FRMD4A: variants seen among roughly 807,000 people sequenced by gnomAD.
FRMD4A encodes the protein FERM domain containing 4A.
Under a neutral mutation model 129.1 loss-of-function variants are expected in FRMD4A, and 29 were observed. That is an observed-to-expected ratio of 0.22 (90% confidence interval 0.17 to 0.31). The LOEUF (loss-of-function observed/expected upper bound fraction) is 0.31, where lower values mean the gene tolerates loss of function less well. Ranked by LOEUF, FRMD4A falls within the 10% of genes least tolerant of loss-of-function variation. The probability of loss-of-function intolerance (pLI) is 1.00; values close to 1 mark genes in which losing one functional copy is unlikely to be tolerated. For synonymous variants in FRMD4A, 634 were observed against 571.6 expected, an observed-to-expected ratio of 1.11 and a Z score of -1.56; for missense variants, 1,272 against 1,375.8, an observed-to-expected ratio of 0.92 and a Z score of 1.19.
At chr10:13,769,157 A>G (rs2092379554) in intron 6 of FRMD4A, among the ~76,000 whole-genome samples, 2 of 146,036 alleles carry the variant, frequency 1.4e-5, no homozygotes, top group Non-Finnish European at 3.0e-5. Flanking sequence ...CGCCTGGCTA[A>G]TTTTTTGCAT....
intron 2 of FRMD4A, among the ~76,000 whole-genome samples, chr10:14,126,020 C>A (rs2131818464): frequency 6.6e-6 from 1 of 152,314 alleles, no homozygotes; most frequent in South Asian, 2.1e-4. Context: ...GGATGAATCT[C>A]ATTTTTTCCA....
intron 2 of FRMD4A, among the ~76,000 whole-genome samples, chr10:14,092,357 T>A (rs1836710051): frequency 6.6e-6 from 1 of 152,192 alleles, no homozygotes. Context: ...CACTCTGGTG[T>A]CTTCAGGCAC....
intron 2 of FRMD4A, among the ~76,000 whole-genome samples, chr10:14,308,019 G>C (rs1846410922): frequency 6.6e-6 from 1 of 152,204 alleles, no homozygotes; most frequent in Non-Finnish European, 1.5e-5. Context: ...AAAGTACATA[G>C]ATAGAGTTTC....
intron 2 of FRMD4A, among the ~76,000 whole-genome samples, chr10:14,184,502 G>A (rs186252359): frequency 6.6e-6 from 1 of 151,940 alleles, no homozygotes; most frequent in African/African-American, 2.4e-5. Context: ...AAAAAAAATG[G>A]AGAAATTACT....
Position 14,330,618 on chromosome 10 carries a change from C to T in FRMD4A, c.-103G>A, listed in dbSNP as rs1843483577. ...ATACCGCTCGCAATCTGGTCAGTGT[C>T]TTCTTTGCTGCAGATAGGTGTGTCC... On this transcript the variant is annotated 5_prime_UTR_variant, in exon 1 of 25. Transcript: ENST00000357447. 2 of 399,766 alleles carry T rather than the reference C, an allele frequency of 5.0e-6. No homozygotes were observed. The highest frequency in any genetic ancestry group is 8.8e-6 in the Non-Finnish European group (2 of 227,292). The allele number at this position is 399,766 out of a possible 1,614,324, so 24.8% of individuals were successfully genotyped here. A position where few individuals can be genotyped will look rare whatever the true frequency, so the allele number is the denominator to read the frequency against.
At chr10:13,893,885 T>C (rs112259297) in intron 2 of FRMD4A, among the ~76,000 whole-genome samples, 435 of 152,354 alleles carry the variant, frequency 2.9e-3, no homozygotes, top group African/African-American at 9.3e-3. Flanking sequence ...CATCTACACC[T>C]CCTGCTTTCC....
At chr10:13,861,571 A>T (rs771445100) in intron 2 of FRMD4A, among the ~76,000 whole-genome samples, 2 of 152,244 alleles carry the variant, frequency 1.3e-5, no homozygotes, top group Admixed American at 6.5e-5. Context: ...TCCAACGAAC[A>T]GATTAAACAC....
intron 23 of FRMD4A, chr10:13,653,980 C>G (rs1262153908): frequency 8.2e-6 from 2 of 244,052 alleles, no homozygotes; most frequent in Admixed American, 5.0e-5. Flanking sequence ...CTTTTTCTTG[C>G]ACCCTGAGAC....
At chr10:13,774,611 C>G (rs1473669061) in intron 6 of FRMD4A, among the ~76,000 whole-genome samples, 1 of 152,094 alleles carries the variant, frequency 6.6e-6, no homozygotes, top group Non-Finnish European at 1.5e-5. Flanking sequence ...GTCCAGATAC[C>G]AAGACACTGA....
In FRMD4A at chr10:14,246,418, TAC is replaced by T. The variant is rs1468942584; in HGVS notation, c.45+83638_45+83639del. Among the ~76,000 whole-genome samples, 3 of 151,836 alleles carry T rather than the reference TAC, an allele frequency of 2.0e-5. No homozygotes were observed. In the East Asian group the frequency reaches 5.8e-4, roughly 29 times the overall value. On this transcript the variant is annotated intron_variant, in intron 2 of 24. Transcript: ENST00000357447. Reference sequence around the variant, plus strand: ...ACACACACACACACAAGTGCACGCATACACACTTTCATGCACTCATACACAAT... The same window carrying T: ...ACACACACACACACAAGTGCACGCATACACTTTCATGCACTCATACACAAT...
In FRMD4A at chr10:14,196,937, C is replaced by CTAGGG. The variant is rs757153729; in HGVS notation, c.45+133116_45+133120dup. Among the ~76,000 whole-genome samples the CTAGGG allele has an allele frequency of 5.3e-5, 8 of 152,198 alleles. No individual in the cohort carries two copies. In the East Asian group the frequency reaches 7.7e-4, roughly 15 times the overall value. ...GGCAGGGGAAGGCAGGCAACCCTGT[C>CTAGGG]TAGGGTCCATGCAATGTCAATAGTC... On this transcript the variant is annotated intron_variant, in intron 2 of 24. Transcript: ENST00000357447.
intron 1 of FRMD4A, among the ~76,000 whole-genome samples, 153 bp from the exon 2 acceptor site, chr10:14,330,336 GA>G (rs973214332): frequency 3.3e-5 from 5 of 151,880 alleles, no homozygotes; most frequent in Non-Finnish European, 5.9e-5. Context: ...AGGAAAATAG[GA>G]AGCTGCAGGT....
intron 2 of FRMD4A, among the ~76,000 whole-genome samples, chr10:14,089,973 G>A (rs1230957011): frequency 6.6e-6 from 1 of 152,218 alleles, no homozygotes; most frequent in Non-Finnish European, 1.5e-5. Context: ...ACAGAGCAGG[G>A]CCGATATTCT....
intron 5 of FRMD4A, among the ~76,000 whole-genome samples, chr10:13,795,600 A>G (rs2093098481): frequency 6.6e-6 from 1 of 152,098 alleles, no homozygotes; most frequent in Non-Finnish European, 1.5e-5. Flanking sequence ...CAAAGAACAG[A>G]GTTGTATGGC....
intron 2 of FRMD4A, among the ~76,000 whole-genome samples, chr10:14,249,312 A>G (rs1459650788): frequency 6.6e-6 from 1 of 150,544 alleles, no homozygotes; most frequent in Non-Finnish European, 1.5e-5. Flanking sequence ...AGATCCTGCC[A>G]CTGCACTCCA....
intron 21 of FRMD4A, among the ~76,000 whole-genome samples, chr10:13,658,132 T>TAAAAAA (rs565374030): frequency 7.4e-5 from 6 of 81,234 alleles, no homozygotes; most frequent in East Asian, 3.1e-4. Flanking sequence ...CTGTCTCTCT[T>TAAAAAA]AAAAAAAAAA....
At chr10:14,163,747 G>A (rs74122390) in intron 2 of FRMD4A, among the ~76,000 whole-genome samples, 1,951 of 152,236 alleles carry the variant, frequency 0.013, 38 homozygotes, top group African/African-American at 0.045. Flanking sequence ...GCCCGAAAAG[G>A]AACAGAATTA....
At chr10:14,297,789 G>A (rs962812582) in intron 2 of FRMD4A, among the ~76,000 whole-genome samples, 1 of 152,210 alleles carries the variant, frequency 6.6e-6, no homozygotes, top group Non-Finnish European at 1.5e-5. Flanking sequence ...GCTCTGGGAT[G>A]AGCCCCTGGG....
chr10:13,655,978 C>T (rs979626753), intron 22 of FRMD4A: 1 of 151,994 alleles, frequency 6.6e-6, no homozygotes, highest in African/African-American at 2.4e-5. Flanking sequence ...TTCAATACCG[C>T]CCAATGCTCT....
Sources: allele counts gnomAD v4.1 joint callset (sites outside exome capture counted in the v4.1 genomes callset), GRCh38; gene constraint gnomAD v4.1.1; transcripts MANE v1.5; gene names NCBI Gene and HGNC (gene_info 2026-07-23, HGNC 2026-07-21).